Variants in GABRG3 observed in about 807,000 individuals in gnomAD.
GABRG3 encodes the protein gamma-aminobutyric acid type A receptor subunit gamma3.
A neutral mutation model predicts 48.8 loss-of-function variants in GABRG3; 25 were observed. The observed-to-expected ratio is 0.51, with a 90% CI of 0.37 to 0.72. The LOEUF (loss-of-function observed/expected upper bound fraction) is 0.72. Among genes scored for constraint, GABRG3 ranks in the 30% least tolerant of loss-of-function variants. The pLI is 0.00. For missense variants in GABRG3, 394 were observed against 577.9 expected (o/e 0.68, Z 3.26); for synonymous variants, 227 against 217.6 (o/e 1.04, Z -0.38).
chr15:27,350,172 G>A (rs544316553), intron 5 of GABRG3: 7 of 455,926 alleles, frequency 1.5e-5, no homozygotes, highest in African/African-American at 6.0e-5. Context: ...TATCGCTGAC[G>A]TTTAAAAGTT....
chr15:27,089,267 C>G (rs987058356), intron 3 of GABRG3, among the ~76,000 whole-genome samples: 2 of 152,062 alleles, frequency 1.3e-5, no homozygotes, highest in East Asian at 1.9e-4. Context: ...CGCGACATTC[C>G]CTTGGATTGG....
In GABRG3 at chr15:26,976,166, C is replaced by T. The variant is rs551747410; in HGVS notation, c.54-836C>T. On this transcript the variant is annotated intron_variant, in intron 1 of 9. Coordinates refer to ENST00000615808, the MANE Select transcript of GABRG3 (RefSeq NM_033223.5). The surrounding 1 kb of genome is among the most constrained non-coding windows in gnomAD (Gnocchi z 7.8). ...ACTAGCCGGTCATCCTGAGGCCTCT[C>T]CATTCAGGCACTCCTGTCAGTGTGT... Among the ~76,000 whole-genome samples, 400 of 152,184 alleles carry T rather than the reference C, an allele frequency of 2.6e-3. 3 individuals are homozygous for T. Among genetic ancestry groups the T allele is most frequent in the African/African-American group, 8.9e-3 (368 of 41,526 alleles).
intron 2 of GABRG3, among the ~76,000 whole-genome samples, chr15:26,982,680 C>A (rs1445386236): frequency 6.6e-6 from 1 of 152,150 alleles, no homozygotes; most frequent in Non-Finnish European, 1.5e-5. Flanking sequence ...ACACCAAGAA[C>A]AAGTGTTCAT....
In GABRG3 at chr15:27,456,971, C is replaced by T. The variant is rs1223096889; in HGVS notation, c.575-23679C>T. Among the ~76,000 whole-genome samples, 4 of 152,206 alleles carry T rather than the reference C, an allele frequency of 2.6e-5. No individual in the cohort carries two copies. In the East Asian group the frequency reaches 7.7e-4, roughly 29 times the overall value. ...ACAGGCACAGTGGCCATCCTACCAG[C>T]CCCAGAAGAGCTCCCCACTTTCCCG... is the stretch of plus-strand genomic sequence containing the variant. On this transcript the variant is annotated intron_variant, in intron 5 of 9. Coordinates refer to ENST00000615808, the MANE Select transcript of GABRG3 (RefSeq NM_033223.5).
chr15:27,083,216 A>G (rs1006255933), intron 3 of GABRG3, among the ~76,000 whole-genome samples: 2 of 152,232 alleles, frequency 1.3e-5, no homozygotes, highest in African/African-American at 4.8e-5. Context: ...GCATTAACAA[A>G]TGCTGTAGTA....
At chr15:27,018,455 T>C (rs1895818834) in intron 2 of GABRG3, among the ~76,000 whole-genome samples, 1 of 152,212 alleles carries the variant, frequency 6.6e-6, no homozygotes, top group Non-Finnish European at 1.5e-5. Context: ...AATGTCACTG[T>C]TTGCCTCCTT....
chr15:27,218,999 G>C (rs1182917660), intron 3 of GABRG3, among the ~76,000 whole-genome samples: 2 of 152,114 alleles, frequency 1.3e-5, no homozygotes, highest in African/African-American at 4.8e-5. Flanking sequence ...GCCATACCGG[G>C]GTCTGGGAGG....
At chr15:27,316,387 CA>C (rs749930128) in intron 3 of GABRG3, among the ~76,000 whole-genome samples, 232 of 41,640 alleles carry the variant, frequency 5.6e-3, no homozygotes, top group Middle Eastern at 0.026. Flanking sequence ...GACTCCGTCT[CA>C]AAAAAAAAAA....
intron 3 of GABRG3, among the ~76,000 whole-genome samples, chr15:27,260,828 G>T (rs1890746451): frequency 1.3e-5 from 2 of 152,180 alleles, no homozygotes; most frequent in South Asian, 4.1e-4. Flanking sequence ...TGGCAGGCTG[G>T]AGAACCTGTC....
intron 6 of GABRG3, among the ~76,000 whole-genome samples, chr15:27,500,960 T>TTTC (rs1383170032): frequency 6.7e-6 from 1 of 148,862 alleles, no homozygotes; most frequent in Non-Finnish European, 1.5e-5. Context: ...ATGTTTTTTT[T>TTTC]TTTTTTTTTT....
chr15:27,232,200 A>G (rs577456125), intron 3 of GABRG3, among the ~76,000 whole-genome samples: 1 of 152,342 alleles, frequency 6.6e-6, no homozygotes, highest in African/African-American at 2.4e-5. Context: ...ATTGTAGGAA[A>G]TTGTATGTCA....
intron 2 of GABRG3, among the ~76,000 whole-genome samples, chr15:26,992,007 C>G (rs957514237): frequency 4.6e-5 from 7 of 152,222 alleles, no homozygotes; most frequent in African/African-American, 1.7e-4. Context: ...GCATGAGCCA[C>G]TGCGCCCAGC....
chr15:27,088,970 C>G lies in GABRG3; in HGVS notation c.270+62149C>G, dbSNP rs764611832. On this transcript the variant is annotated intron_variant, in intron 3 of 9. Coordinates refer to ENST00000615808, the MANE Select transcript of GABRG3 (RefSeq NM_033223.5). ...CTGTGCCGGGTCCAGGGCATTGAAG[C>G]CCGATGAACACGGGAGAGCCTGGGG... Among the ~76,000 whole-genome samples, 3 of 152,162 alleles carry G rather than the reference C, an allele frequency of 2.0e-5. No individual in the cohort carries two copies. In the South Asian group the frequency reaches 6.2e-4, roughly 32 times the overall value.
intron 5 of GABRG3, among the ~76,000 whole-genome samples, chr15:27,455,743 GGT>G (rs1889254820): frequency 2.0e-5 from 3 of 150,494 alleles, no homozygotes; most frequent in African/African-American, 7.3e-5. Flanking sequence ...GTTTGTGTGT[GGT>G]GTGTGTGTGG....
At chr15:27,117,237 AT>A (rs1897656760) in intron 3 of GABRG3, among the ~76,000 whole-genome samples, 1 of 152,140 alleles carries the variant, frequency 6.6e-6, no homozygotes, top group Admixed American at 6.5e-5. Context: ...TCATTGAAGT[AT>A]TTTCTTTGAA....
intron 5 of GABRG3, among the ~76,000 whole-genome samples, chr15:27,478,443 CAAT>C (rs903061975): frequency 1.1e-4 from 16 of 152,132 alleles, no homozygotes; most frequent in East Asian, 1.9e-4. Context: ...ACAAATCAAA[CAAT>C]GATGATATGC....
chr15:27,103,329 A>G (rs1347903044), intron 3 of GABRG3, among the ~76,000 whole-genome samples: 4 of 152,188 alleles, frequency 2.6e-5, no homozygotes, highest in African/African-American at 9.6e-5. Context: ...GGAGGCTCAC[A>G]TGAAACACCA....
At chr15:27,081,612 A>C (rs1345611511) in intron 3 of GABRG3, among the ~76,000 whole-genome samples, 1 of 152,166 alleles carries the variant, frequency 6.6e-6, no homozygotes, top group Non-Finnish European at 1.5e-5. Flanking sequence ...CACAGCACGC[A>C]GTATGGATCA....
rs568487577 is a variant in GABRG3 at position 27,402,481 on chromosome 15, G to GGC, written c.574+73594_574+73595dup. 2.0e-3 allele frequency among the ~76,000 whole-genome samples: 304 copies of GGC among 152,294 alleles called. 5 individuals carry two copies. In the Middle Eastern group the frequency reaches 0.041, roughly 20 times the overall value. On this transcript the variant is annotated intron_variant, in intron 5 of 9. Coordinates refer to ENST00000615808, the MANE Select transcript of GABRG3 (RefSeq NM_033223.5). ...GAATCTAAGGACAAAATGAGCCTAA[G>GGC]GCCCACCAAGGGGTCAGCCTGGCAA... is the stretch of plus-strand genomic sequence containing the variant.
Sources: allele counts gnomAD v4.1 joint callset (sites outside exome capture counted in the v4.1 genomes callset), GRCh38; gene constraint gnomAD v4.1.1; non-coding constraint Gnocchi (gnomAD v3.1); transcripts MANE v1.5; gene names NCBI Gene and HGNC (gene_info 2026-07-23, HGNC 2026-07-21).